The following TRIM67 variants were observed in gnomAD, a reference collection of about 807,000 sequenced individuals.
TRIM67 encodes the protein tripartite motif containing 67.
In TRIM67, 39 loss-of-function variants were observed where a neutral mutation model predicts 71.0. That is an observed-to-expected ratio of 0.55 (90% CI 0.43 to 0.72). The LOEUF (loss-of-function observed/expected upper bound fraction) is 0.72, where lower values mean the gene tolerates loss of function less well. Among genes scored for constraint, TRIM67 ranks in the 30% least tolerant of loss-of-function variants. The probability of loss-of-function intolerance (pLI) is 0.00; values close to 1 mark genes in which losing one functional copy is unlikely to be tolerated. For missense variants in TRIM67, 973 were observed against 1,079.2 expected (o/e 0.90, Z 1.38); for synonymous variants, 481 against 473.9 (o/e 1.01, Z -0.19).
Position 231,197,392 on chromosome 1 carries a change from A to G in TRIM67, c.1066A>G (p.Asn356Asp). The change falls in exon 2 of 10, where the codon AAT becomes GAT. Residue 356 changes from asparagine to aspartate, a missense_variant. This residue lies in a region of TRIM67 where 795 missense variants were observed against 831.3 expected (regional missense o/e 0.96). Coordinates refer to ENST00000366653, the MANE Select transcript of TRIM67 (RefSeq NM_001004342.5). ...QHKAQLSQAL[N>D]GVSDKAKEAK... ...TCAGGCACAACTATCTCAGGCCTTA[A>G]ATGGAGTTTCAGATAAGGCAAAGGA... The G allele has an allele frequency of 6.2e-7, 1 of 1,613,970 alleles. No individual in the cohort carries two copies.
At chr1:231,213,341 T>C (rs954416567) in intron 8 of TRIM67, among the ~76,000 whole-genome samples, 6 of 152,152 alleles carry the variant, frequency 3.9e-5, no homozygotes, top group African/African-American at 1.4e-4. Context: ...ACAAGGTGTG[T>C]CCACTGTGAG....
At chr1:231,185,033 G>C in intron 1 of TRIM67, 1 of 1,533,038 alleles carries the variant, frequency 6.5e-7, no homozygotes, top group Non-Finnish European at 8.7e-7. Context: ...TCTGCTTGCA[G>C]GGCCTAGGCT....
intron 2 of TRIM67, among the ~76,000 whole-genome samples, chr1:231,198,343 C>T (rs1212065479): frequency 1.3e-5 from 2 of 152,040 alleles, no homozygotes; most frequent in African/African-American, 2.4e-5. Flanking sequence ...AGGAACTGCT[C>T]ATAAGATGAG....
chr1:231,216,198 CTCTT>C lies in TRIM67; in HGVS notation c.*763_*766del, dbSNP rs796909444. On this transcript the variant is annotated 3_prime_UTR_variant, in exon 10 of 10. Coordinates refer to ENST00000366653, the MANE Select transcript of TRIM67 (RefSeq NM_001004342.5). ...TCTCCTTCCTTCCCTCCTTTGCTCT[CTCTT>C]TCTTCCTTTCCTCCTTCTCTCTTAC... 19 of 956,304 alleles carry C rather than the reference CTCTT, an allele frequency of 2.0e-5. No individual in the cohort carries two copies. The highest frequency in any genetic ancestry group is 7.1e-5 in the African/African-American group (4 of 56,402). The allele number at this position is 956,304 out of a possible 1,614,324, so 59.2% of individuals were successfully genotyped here. A position where few individuals can be genotyped will look rare whatever the true frequency, so the allele number is the denominator to read the frequency against.
intron 1 of TRIM67, among the ~76,000 whole-genome samples, chr1:231,169,236 G>A (rs1682558253): frequency 6.6e-6 from 1 of 151,876 alleles, no homozygotes. Context: ...TGTATTTTTA[G>A]TAGAGACAGG....
At position 231,215,840 on chromosome 1, in the gene TRIM67, G is replaced by GC. The variant is rs1684001839; in HGVS notation, c.*401dup. 1.2e-5 allele frequency: 12 copies of GC among 1,011,400 alleles called. No individual in the cohort carries two copies. The highest frequency in any genetic ancestry group is 1.4e-5 in the Non-Finnish European group (12 of 847,520). 62.7% of individuals were successfully genotyped at this position (1,011,400 alleles called of 1,614,324 possible). On this transcript the variant is annotated 3_prime_UTR_variant, in exon 10 of 10. Coordinates refer to ENST00000366653, the MANE Select transcript of TRIM67 (RefSeq NM_001004342.5). Reference sequence around the variant, plus strand: ...GGCCTCCTGAGAGCGGCAGTCAGGAGCTGCGCTGTAATCCCACGCCCCGGG... The same window carrying GC: ...GGCCTCCTGAGAGCGGCAGTCAGGAGCCTGCGCTGTAATCCCACGCCCCGGG...
intron 1 of TRIM67, among the ~76,000 whole-genome samples, chr1:231,178,628 C>T (rs139179349): frequency 6.6e-6 from 1 of 152,216 alleles, no homozygotes; most frequent in African/African-American, 2.4e-5. Context: ...AGGCCACTTC[C>T]CCTCCTCACA....
rs763747225 is a variant in TRIM67, at chr1:231,210,908, A to G, written c.2123+1658A>G. 8.6e-5 allele frequency among the ~76,000 whole-genome samples: 13 copies of G among 151,402 alleles called. No individual in the cohort carries two copies. The East Asian group carries it at 2.6e-3, about 30-fold the overall frequency. On this transcript the variant is annotated intron_variant, in intron 8 of 9. Transcript: ENST00000366653. ...TAGTAATTTTAAAAATTAGCCAGGCATGGTGCTGTGTACCTGTAGTTTCAG... is the reference window on the plus strand; with the variant it reads ...TAGTAATTTTAAAAATTAGCCAGGCGTGGTGCTGTGTACCTGTAGTTTCAG...
intron 8 of TRIM67, among the ~76,000 whole-genome samples, chr1:231,212,295 A>C (rs191351281): frequency 1.3e-5 from 2 of 152,218 alleles, no homozygotes; most frequent in Non-Finnish European, 2.9e-5. Context: ...ACACGAACTC[A>C]AGGTTTTATG....
intron 1 of TRIM67, chr1:231,184,787 C>G (rs1456299265): frequency 1.8e-6 from 1 of 568,014 alleles, no homozygotes; most frequent in East Asian, 3.0e-5. Context: ...GTCCCTGAAC[C>G]CAGGGCCTTC....
At chr1:231,199,739 A>G (rs1469652643) in intron 3 of TRIM67, among the ~76,000 whole-genome samples, 8 of 152,338 alleles carry the variant, frequency 5.3e-5, no homozygotes, top group African/African-American at 1.7e-4. Flanking sequence ...ATTACTGTCA[A>G]GAAAAGGAGG....
rs915697172 is a variant in TRIM67, at chr1:231,217,909, G to A, written c.*2469G>A. On this transcript the variant is annotated 3_prime_UTR_variant, in exon 10 of 10. Coordinates refer to ENST00000366653, the MANE Select transcript of TRIM67 (RefSeq NM_001004342.5). ...AAAGTTCCCTGAAGTCCAGAGAGGT[G>A]CAGCCAGGACTCCCTCCTCCCCACT... 14 of 1,287,256 alleles carry A rather than the reference G, an allele frequency of 1.1e-5. No individual in the cohort carries two copies. In the African/African-American group the frequency reaches 2.0e-4, roughly 18 times the overall value. The allele number at this position is 1,287,256 out of a possible 1,614,324, so 79.7% of individuals were successfully genotyped here. A position where few individuals can be genotyped will look rare whatever the true frequency, so the allele number is the denominator to read the frequency against.
rs532284527 is a variant in TRIM67 at position 231,209,213 on chromosome 1, C to T, written c.2086C>T (p.Arg696Cys). The T allele has an allele frequency of 6.9e-6, 11 of 1,586,188 alleles. No individual in the cohort carries two copies. The highest frequency in any genetic ancestry group is 1.3e-5 in the African/African-American group (1 of 74,540). The change falls in exon 8 of 10, where the codon CGC becomes TGC. Residue 696 changes from arginine to cysteine, a missense_variant. Physicochemically the swap from Arg to Cys is radical, Grantham distance 180. Coordinates refer to ENST00000366653, the MANE Select transcript of TRIM67 (RefSeq NM_001004342.5). This position sits in a 1 kb window ranked among gnomAD's most constrained non-coding sequence, Gnocchi z 4.1. ...KAWAMYVDNN[R>C]SWFMHCNSHT... ...CTGGGCCATGTATGTGGACAACAAC[C>T]GCAGCTGGTTCATGCACTGCAACTC...
At chr1:231,179,695 G>A (rs1682848944) in intron 1 of TRIM67, among the ~76,000 whole-genome samples, 1 of 152,162 alleles carries the variant, frequency 6.6e-6, no homozygotes, top group South Asian at 2.1e-4. Context: ...AAGAGAGCTG[G>A]CAATTGAAAG....
intron 1 of TRIM67, chr1:231,186,080 C>T (rs1179869005): frequency 1.4e-5 from 22 of 1,533,002 alleles, no homozygotes; most frequent in Admixed American, 2.0e-5. Flanking sequence ...ACTCACCTCT[C>T]TCCTGATAGG....
intron 1 of TRIM67, among the ~76,000 whole-genome samples, chr1:231,170,720 T>C (rs939567730): frequency 6.6e-6 from 1 of 152,206 alleles, no homozygotes; most frequent in African/African-American, 2.4e-5. Context: ...AATAAAATTT[T>C]ATTGAAACAC....
intron 1 of TRIM67, chr1:231,184,839 G>A (rs996684243): frequency 1.6e-6 from 1 of 616,186 alleles, no homozygotes; most frequent in Admixed American, 2.9e-5. Context: ...CCTTTGGGGT[G>A]GGTATCATCA....
intron 1 of TRIM67, chr1:231,186,185 A>T: frequency 6.5e-7 from 1 of 1,531,210 alleles, no homozygotes; most frequent in Non-Finnish European, 8.7e-7. Flanking sequence ...TGCATGAATC[A>T]CAGCAGTGGA....
intron 6 of TRIM67, 40 bp downstream of exon 6, chr1:231,204,052 C>A: frequency 1.2e-6 from 2 of 1,609,796 alleles, no homozygotes; most frequent in Non-Finnish European, 8.5e-7. Context: ...TTGAGGGTAC[C>A]AATGCAGAGG....
Sources: gnomAD v4.1 joint callset for allele counts (sites outside exome capture counted in the v4.1 genomes callset) on GRCh38, gnomAD v4.1.1 for gene constraint, gnomAD v4.1.1 regional missense constraint, Gnocchi (gnomAD v3.1) non-coding constraint, MANE v1.5 for transcripts, NCBI Gene and HGNC (gene_info 2026-07-23, HGNC 2026-07-21) for gene names.